The following GRM5 variants were observed in gnomAD, a reference collection of about 807,000 sequenced individuals.
GRM5 encodes glutamate metabotropic receptor 5, also known as metabotropic glutamate receptor 5.
In GRM5, 19 loss-of-function variants were observed where a neutral mutation model predicts 83.1. The observed-to-expected ratio is 0.23, with a 90% CI of 0.16 to 0.34. The LOEUF (loss-of-function observed/expected upper bound fraction) is 0.34, where lower values mean the gene tolerates loss of function less well. Ranked by LOEUF, GRM5 falls within the 10% of genes least tolerant of loss-of-function variation. The pLI is 1.00. For synonymous variants in GRM5, 675 were observed against 633.6 expected, an observed-to-expected ratio of 1.07 and a Z score of -0.98; for missense variants, 1,160 against 1,588.3, an observed-to-expected ratio of 0.73 and a Z score of 4.58.
chr11:88,950,925 A>G (rs1466782727), intron 2 of GRM5, among the ~76,000 whole-genome samples: 1 of 152,238 alleles, frequency 6.6e-6, no homozygotes, highest in Non-Finnish European at 1.5e-5. Context: ...GTATAAATGT[A>G]TAAATCAAAT....
At chr11:89,065,309 C>CACACAG (rs1378927810) in intron 1 of GRM5, among the ~76,000 whole-genome samples, 2 of 147,774 alleles carry the variant, frequency 1.4e-5, no homozygotes, top group African/African-American at 4.9e-5. Context: ...CACACACACA[C>CACACAG]ACAGACAGAG....
At chr11:88,776,595 T>G (rs948201297) in intron 3 of GRM5, among the ~76,000 whole-genome samples, 18 of 152,338 alleles carry the variant, frequency 1.2e-4, no homozygotes, top group Admixed American at 2.6e-4. Flanking sequence ...TCTTTCCATG[T>G]TTAGTGCTTC....
chr11:88,725,153 A>G (rs1444362313), intron 3 of GRM5, among the ~76,000 whole-genome samples: 2 of 152,178 alleles, frequency 1.3e-5, no homozygotes, highest in Non-Finnish European at 2.9e-5. Flanking sequence ...TCTTGCCACC[A>G]GCACAGCAGT....
chr11:88,834,346 A>C (rs528587855), intron 3 of GRM5, among the ~76,000 whole-genome samples: 3 of 152,338 alleles, frequency 2.0e-5, no homozygotes, highest in African/African-American at 4.8e-5. Context: ...AGATTTTGGC[A>C]TGTACAAAAA....
chr11:88,718,648 G>A (rs1024356473), intron 3 of GRM5, among the ~76,000 whole-genome samples: 5 of 151,864 alleles, frequency 3.3e-5, no homozygotes, highest in Non-Finnish European at 7.4e-5. Flanking sequence ...CTTTTCTAAA[G>A]CCTCCCTGAA....
intron 2 of GRM5, among the ~76,000 whole-genome samples, chr11:89,008,376 G>A (rs1369150717): frequency 6.6e-6 from 1 of 151,918 alleles, no homozygotes; most frequent in African/African-American, 2.4e-5. Context: ...AATTTCCTCT[G>A]GTGTTATTTC....
At chr11:88,839,935 T>C (rs1235157745) in intron 3 of GRM5, among the ~76,000 whole-genome samples, 8 of 152,102 alleles carry the variant, frequency 5.3e-5, no homozygotes, top group African/African-American at 1.9e-4. Flanking sequence ...AAGAAAAATA[T>C]ATATTTACTA....
At chr11:88,652,801 A>G (rs1939666066) in intron 4 of GRM5, among the ~76,000 whole-genome samples, 1 of 152,068 alleles carries the variant, frequency 6.6e-6, no homozygotes, top group African/African-American at 2.4e-5. Context: ...ATGTGCTTCC[A>G]CTGTGCTAAC....
At chr11:88,958,873 TATTTTTAGTGTGAAGGGTGGC>T (rs1481954229) in intron 2 of GRM5, among the ~76,000 whole-genome samples, 2 of 152,142 alleles carry the variant, frequency 1.3e-5, no homozygotes, top group African/African-American at 2.4e-5. Context: ...AATATAGAAA[TATTTTTAGTGTGAAGGGTGGC>T]ATTTTTAGTG....
intron 2 of GRM5, among the ~76,000 whole-genome samples, chr11:89,019,082 C>T (rs968454518): frequency 4.5e-4 from 69 of 152,132 alleles, no homozygotes; most frequent in African/African-American, 1.5e-3. Context: ...CTCCTCAAAA[C>T]GGTGACTGAT....
At chr11:88,947,388 A>G (rs1310318372) in intron 2 of GRM5, among the ~76,000 whole-genome samples, 1 of 152,158 alleles carries the variant, frequency 6.6e-6, no homozygotes, top group Non-Finnish European at 1.5e-5. Context: ...CCTTCCACAT[A>G]GGGATAAATG....
chr11:88,973,127 G>T (rs1164506986), intron 2 of GRM5, among the ~76,000 whole-genome samples: 27 of 152,106 alleles, frequency 1.8e-4, no homozygotes, highest in Non-Finnish European at 1.3e-4. Flanking sequence ...GTATATCTGG[G>T]ATAATTAGGA....
At chr11:88,652,829 A>G (rs1939666841) in intron 4 of GRM5, among the ~76,000 whole-genome samples, 1 of 152,236 alleles carries the variant, frequency 6.6e-6, no homozygotes, top group Admixed American at 6.6e-5. Context: ...GATAATAGAA[A>G]TGAGCAGAAT....
chr11:88,637,662 C>T lies in GRM5; in HGVS notation c.1147+15506G>A, dbSNP rs541735290. 8.3e-3 allele frequency among the ~76,000 whole-genome samples: 1,221 copies of T among 146,452 alleles called. 14 individuals carry two copies. Among genetic ancestry groups the T allele is most frequent in the African/African-American group, 0.028 (1,154 of 40,650 alleles). ...TTAAAAAGTCAGGAAACAACAGGTG[C>T]TGGAGAGGATGTGGAGAAACAGGAA... On this transcript the variant is annotated intron_variant, in intron 4 of 9. Transcript: ENST00000305447.
chr11:88,721,190 C>A (rs1941530195), intron 3 of GRM5, among the ~76,000 whole-genome samples: 1 of 151,980 alleles, frequency 6.6e-6, no homozygotes, highest in African/African-American at 2.4e-5. Flanking sequence ...TGATACAAAG[C>A]ACACTCAACA....
chr11:89,063,918 G>A (rs1021054405), intron 1 of GRM5, among the ~76,000 whole-genome samples: 6 of 152,072 alleles, frequency 3.9e-5, no homozygotes, highest in Admixed American at 1.3e-4. Flanking sequence ...CATGTTTACC[G>A]TCATATCTCA....
intron 3 of GRM5, among the ~76,000 whole-genome samples, chr11:88,658,247 T>C (rs1485592518): frequency 6.6e-6 from 1 of 152,080 alleles, no homozygotes; most frequent in Non-Finnish European, 1.5e-5. Context: ...GCCAAAAACG[T>C]TGGGGACCGC....
chr11:88,535,416 C>A (rs1942111428), intron 8 of GRM5, among the ~76,000 whole-genome samples: 1 of 152,146 alleles, frequency 6.6e-6, no homozygotes, highest in Non-Finnish European at 1.5e-5. Context: ...GACAATGCTC[C>A]AACCATATGG....
intron 2 of GRM5, among the ~76,000 whole-genome samples, chr11:89,007,883 A>G (rs1014612405): frequency 1.3e-5 from 2 of 152,234 alleles, no homozygotes; most frequent in Non-Finnish European, 2.9e-5. Context: ...TGTCATTAAT[A>G]ATTTCACATG....
Sources: gnomAD v4.1 joint callset for allele counts (sites outside exome capture counted in the v4.1 genomes callset) on GRCh38, gnomAD v4.1.1 for gene constraint, MANE v1.5 for transcripts, NCBI Gene and HGNC (gene_info 2026-07-23, HGNC 2026-07-21) for gene names.